The following DNAH8 variants were observed in gnomAD, a reference collection of about 807,000 sequenced individuals.
DNAH8 encodes dynein axonemal heavy chain 8.
DNAH8 carries 382 observed loss-of-function variants against 562.1 expected under a neutral mutation model. The observed-to-expected ratio is 0.68, with a 90% confidence interval of 0.63 to 0.74. The LOEUF is 0.74. Among genes scored for constraint, DNAH8 ranks in the 30% least tolerant of loss-of-function variants. The probability of loss-of-function intolerance (pLI) is 0.00; values close to 1 mark genes in which losing one functional copy is unlikely to be tolerated. For synonymous variants in DNAH8, 1,881 were observed against 1,919.4 expected, an observed-to-expected ratio of 0.98 and a Z score of 0.52; for missense variants, 5,203 against 5,620.4, an observed-to-expected ratio of 0.93 and a Z score of 2.37.
chr6:38,722,769 AT>A lies in DNAH8; in HGVS notation c.-34-5del. ...TAGTTTTAAACGAACCTATGTTATA[AT>A]TCTAGGTTTCGAAGTATAAAGCATT... is the stretch of plus-strand genomic sequence containing the variant. On this transcript the variant is annotated splice_region_variant and splice_polypyrimidine_tract_variant and intron_variant, in intron 1 of 92. Coordinates refer to ENST00000327475, the MANE Select transcript of DNAH8 (RefSeq NM_001206927.2). The A allele has an allele frequency of 6.6e-7, 1 of 1,518,898 alleles. No individual in the cohort carries two copies. The highest frequency in any genetic ancestry group is 8.8e-7 in the Non-Finnish European group (1 of 1,135,126). The allele number at this position is 1,518,898 out of a possible 1,614,324, so 94.1% of individuals were successfully genotyped here.
intron 92 of DNAH8, among the ~76,000 whole-genome samples, chr6:39,028,853 T>C (rs1490868749): frequency 6.6e-6 from 1 of 152,246 alleles, no homozygotes; most frequent in South Asian, 2.1e-4. Context: ...TGTCAAATCA[T>C]GTGCCTCCGT....
intron 3 of DNAH8, among the ~76,000 whole-genome samples, chr6:38,727,705 C>G (rs988050528): frequency 3.4e-4 from 52 of 152,092 alleles, no homozygotes; most frequent in African/African-American, 1.2e-3. Flanking sequence ...TTCAAACACC[C>G]CTTTGGGTGT....
In DNAH8 at chr6:38,835,063, G is replaced by A. The variant is rs141589977; in HGVS notation, c.4365+422G>A. Among the ~76,000 whole-genome samples the A allele has an allele frequency of 1.2e-3, 178 of 152,188 alleles. 3 individuals are homozygous for A. In the East Asian group the frequency reaches 0.028, roughly 24 times the overall value. On this transcript the variant is annotated intron_variant, in intron 32 of 92. Transcript: ENST00000327475. ...CTTCTTTGTCCTATCTCCTCTGCCT[G>A]TACAATACTCATTGGATCAGGCCAA...
rs747217350 is a variant in DNAH8 at position 38,921,419 on chromosome 6, A to G, written c.10575A>G (p.Leu3525=). 43 of 1,613,814 alleles carry G rather than the reference A, an allele frequency of 2.7e-5. No individual in the cohort carries two copies. In the Admixed American group the frequency reaches 7.2e-4, roughly 27 times the overall value. ...EGRLAVANAE[L]GKAQALLDEK... ...GGTTAGCAGTTGCTAATGCTGAGTT[A>G]GGGAAGGCACAAGCCCTGCTGGATG... is the stretch of plus-strand genomic sequence containing the variant. Residue 3525 remains leucine (L), a synonymous_variant, in exon 71 of 93, where the codon TTA becomes TTG. Coordinates refer to ENST00000327475, the MANE Select transcript of DNAH8 (RefSeq NM_001206927.2).
Position 38,781,271 on chromosome 6 carries a change from A to C in DNAH8, c.2157A>C (p.Lys719Asn). ...DATKKLYHSQ[K>N]DDPPLARNMP... is the part of the protein sequence containing the mutation. ...AATTACAGCTTTATCATTCTCAGAA[A>C]GATGACCCCCCTCTTGCTCGCAACA... The change falls in exon 16 of 93, where the codon AAA becomes AAC. Residue 719 changes from lysine to asparagine, a missense_variant. Physicochemically the swap from Lys to Asn is moderately conservative, Grantham distance 94. Coordinates refer to ENST00000327475, the MANE Select transcript of DNAH8 (RefSeq NM_001206927.2). 1.9e-6 allele frequency: 3 copies of C among 1,613,920 alleles called. No individual in the cohort carries two copies. Among genetic ancestry groups the C allele is most frequent in the Non-Finnish European group, 2.5e-6 (3 of 1,179,882 alleles).
intron 63 of DNAH8, among the ~76,000 whole-genome samples, chr6:38,906,889 C>T (rs1321626254): frequency 6.6e-6 from 1 of 152,122 alleles, no homozygotes; most frequent in African/African-American, 2.4e-5. Flanking sequence ...ATCCAAAATG[C>T]TCCAAAATCT....
rs145855257 is a variant in DNAH8, at chr6:38,943,599, C to T, written c.12008-1868C>T. Reference sequence around the variant, plus strand: ...TTTGAAAAATGAAATGGATACCAGGCGCAATCCTGCATTATAGAGCAATGG... The same window carrying T: ...TTTGAAAAATGAAATGGATACCAGGTGCAATCCTGCATTATAGAGCAATGG... On this transcript the variant is annotated intron_variant, in intron 79 of 92. Transcript: ENST00000327475. 6.6e-5 allele frequency among the ~76,000 whole-genome samples: 10 copies of T among 152,226 alleles called. 1 individual carries two copies. The East Asian group carries it at 1.7e-3, about 26-fold the overall frequency.
chr6:38,770,539 T>G lies in DNAH8; in HGVS notation c.1744T>G (p.Phe582Val). The change falls in exon 12 of 93, where the codon TTT becomes GTT. Residue 582 changes from phenylalanine to valine, a missense_variant. By Grantham distance (50) the Phe-to-Val change is conservative (BLOSUM62 -1). Transcript: ENST00000327475. ...EMYIFGKFEA[F>V]CKRLEKITEM... ...GTATATATTTGGAAAATTTGAAGCT[T>G]TTTGCAAAAGACTGGAGAAGGTAAG... is the stretch of plus-strand genomic sequence containing the variant. 2 of 1,601,432 alleles carry G rather than the reference T, an allele frequency of 1.2e-6. No individual in the cohort carries two copies. The highest frequency in any genetic ancestry group is 2.3e-5 in the South Asian group (2 of 87,994).
Position 38,974,493 on chromosome 6 carries a change from G to A in DNAH8, c.12798G>A (p.Met4266Ile). ...GTAATTTACCCATGTGGAAGCCGATGCTTTACACAGTAGCATTTTTACACT... is the reference window on the plus strand; with the variant it reads ...GTAATTTACCCATGTGGAAGCCGATACTTTACACAGTAGCATTTTTACACT... ...DISNLPMWKP[M>I]LYTVAFLHST... Residue 4266 changes from methionine (M) to isoleucine (I), a missense_variant, in exon 85 of 93, where the codon ATG becomes ATA. Transcript: ENST00000327475. 1 of 1,613,962 alleles carries A rather than the reference G, an allele frequency of 6.2e-7. No homozygotes were observed. The highest frequency in any genetic ancestry group is 8.5e-7 in the Non-Finnish European group (1 of 1,179,894).
chr6:38,780,150 C>T (rs1407507721), intron 15 of DNAH8, 85 bp downstream of exon 15: 15 of 1,281,562 alleles, frequency 1.2e-5, no homozygotes, highest in Non-Finnish European at 1.6e-5. Flanking sequence ...TGTCTCATGC[C>T]AAGCTTTTCA....
intron 6 of DNAH8, 136 bp downstream of exon 6, chr6:38,737,392 A>G (rs932215322): frequency 1.1e-5 from 5 of 474,004 alleles, no homozygotes; most frequent in Non-Finnish European, 1.7e-5. Context: ...CAAGAAATGA[A>G]ATCATTAGAA....
rs1486380664 is a variant in DNAH8, at chr6:38,872,600, C to A, written c.7055C>A (p.Thr2352Lys). 1.2e-6 allele frequency: 2 copies of A among 1,614,070 alleles called. No homozygotes were observed. The highest frequency in any genetic ancestry group is 1.7e-6 in the Non-Finnish European group (2 of 1,179,950). Residue 2352 changes from threonine to lysine, a missense_variant, in exon 50 of 93, where the codon ACA (threonine) becomes AAA (lysine). Transcript: ENST00000327475. ...MTLGPSGSGK[T>K]TVITILMKAQ... ...CTTGGGCCCAGTGGTTCTGGAAAGA[C>A]AACCGTTATCACGATTCTAATGAAG... is the stretch of plus-strand genomic sequence containing the variant.
At chr6:38,995,945 G>T (rs929253888) in intron 88 of DNAH8, among the ~76,000 whole-genome samples, 1 of 152,162 alleles carries the variant, frequency 6.6e-6, no homozygotes, top group African/African-American at 2.4e-5. Flanking sequence ...AGAAACAGTG[G>T]TTATACTGTT....
intron 11 of DNAH8, among the ~76,000 whole-genome samples, chr6:38,762,292 T>C (rs1224194966): frequency 6.6e-6 from 1 of 152,222 alleles, no homozygotes; most frequent in Non-Finnish European, 1.5e-5. Context: ...ATGAATGGGA[T>C]TTGGAAAATT....
rs1770739216 is a variant in DNAH8 at position 38,801,078 on chromosome 6, TTTG to T, written c.2902-2095_2902-2093del. Among the ~76,000 whole-genome samples, 7 of 152,336 alleles carry T rather than the reference TTTG, an allele frequency of 4.6e-5. No individual in the cohort carries two copies. The South Asian group carries it at 8.3e-4, about 18-fold the overall frequency. On this transcript the variant is annotated intron_variant, in intron 21 of 92. Coordinates refer to ENST00000327475, the MANE Select transcript of DNAH8 (RefSeq NM_001206927.2). ...AAGTCTAATTTATCAATTTTTTTCT[TTTG>T]TTGTTCTGCTTTTGGTGTCACATCT...
intron 3 of DNAH8, among the ~76,000 whole-genome samples, chr6:38,724,021 TG>T (rs1762999416): frequency 6.6e-6 from 1 of 151,830 alleles, no homozygotes; most frequent in African/African-American, 2.4e-5. Flanking sequence ...GACAGAGTCT[TG>T]CTCTGTCACC....
intron 24 of DNAH8, among the ~76,000 whole-genome samples, chr6:38,808,032 T>G (rs1771452678): frequency 6.6e-6 from 1 of 152,194 alleles, no homozygotes; most frequent in Admixed American, 6.5e-5. Context: ...TGCTTTTGTA[T>G]CCCCAATCCA....
At chr6:38,925,198 G>A (rs1782013131) in intron 73 of DNAH8, 1 of 152,096 alleles carries the variant, frequency 6.6e-6, no homozygotes, top group South Asian at 2.1e-4. Flanking sequence ...AAGCAAAGTG[G>A]GCCAGAATAT....
chr6:39,008,473 T>C (rs1765946674), intron 88 of DNAH8, among the ~76,000 whole-genome samples: 1 of 151,458 alleles, frequency 6.6e-6, no homozygotes, highest in Non-Finnish European at 1.5e-5. Context: ...CAGGGGAGAG[T>C]GAAAGGAGGT....
Sources: allele counts gnomAD v4.1 joint callset (sites outside exome capture counted in the v4.1 genomes callset), GRCh38; gene constraint gnomAD v4.1.1; transcripts MANE v1.5; gene names NCBI Gene and HGNC (gene_info 2026-07-23, HGNC 2026-07-21).